The following CADM2 variants were observed in gnomAD, a reference collection of about 807,000 sequenced individuals.
The protein encoded by CADM2 is immunoglobulin superfamily member 4D.
Under a neutral mutation model 49.8 loss-of-function variants are expected in CADM2, and 12 were observed. The ratio of observed to expected loss-of-function variants is 0.24; its 90% CI spans 0.15 to 0.39. CADM2 has a LOEUF of 0.39. Among genes scored for constraint, CADM2 ranks in the 10% least tolerant of loss-of-function variants. CADM2 has a pLI of 1.00. For missense variants in CADM2, 378 were observed against 492.3 expected (o/e 0.77, Z 2.20); for synonymous variants, 214 against 175.4 (o/e 1.22, Z -1.74).
At chr3:85,767,168 T>C (rs760758090) in intron 2 of CADM2, among the ~76,000 whole-genome samples, 4 of 152,322 alleles carry the variant, frequency 2.6e-5, no homozygotes, top group Admixed American at 1.3e-4. Context: ...TATTTAGTTT[T>C]ATTAGTGACC....
chr3:85,142,222 C>T (rs2107629857), intron 1 of CADM2, among the ~76,000 whole-genome samples: 1 of 152,326 alleles, frequency 6.6e-6, no homozygotes, highest in South Asian at 2.1e-4. Flanking sequence ...CCCTCATGGT[C>T]TCACATTGGA....
At chr3:85,287,708 T>A (rs2043669732) in intron 1 of CADM2, among the ~76,000 whole-genome samples, 1 of 152,148 alleles carries the variant, frequency 6.6e-6, no homozygotes, top group African/African-American at 2.4e-5. Context: ...TTTTAATGAT[T>A]TTACATTATG....
chr3:85,100,784 A>T (rs556644227), intron 1 of CADM2, among the ~76,000 whole-genome samples: 20 of 152,350 alleles, frequency 1.3e-4, no homozygotes, highest in African/African-American at 4.3e-4. Flanking sequence ...GCATTTTTAG[A>T]ATCAGCATTT....
intron 7 of CADM2, among the ~76,000 whole-genome samples, chr3:85,957,286 A>G (rs1341488847): frequency 1.3e-5 from 2 of 151,736 alleles, no homozygotes; most frequent in Admixed American, 6.6e-5. Flanking sequence ...TGATTTGTCT[A>G]TCTAATTGAA....
At chr3:85,804,447 C>T (rs997231383) in intron 3 of CADM2, among the ~76,000 whole-genome samples, 1 of 152,116 alleles carries the variant, frequency 6.6e-6, no homozygotes, top group African/African-American at 2.4e-5. Flanking sequence ...TCCCAAGCAG[C>T]AACTATAAAC....
chr3:85,877,148 C>T (rs1319857225), intron 3 of CADM2, among the ~76,000 whole-genome samples: 1 of 152,064 alleles, frequency 6.6e-6, no homozygotes, highest in Non-Finnish European at 1.5e-5. Context: ...CAACTAATGG[C>T]TGTTAGGGCA....
intron 1 of CADM2, among the ~76,000 whole-genome samples, chr3:85,277,451 C>A (rs367752842): frequency 9.3e-5 from 14 of 151,178 alleles, no homozygotes; most frequent in African/African-American, 3.1e-4. Flanking sequence ...TATATAATAC[C>A]CAGCCAGATC....
In CADM2 at chr3:85,769,486, T is replaced by C. The variant is rs1327688171; in HGVS notation, c.89-32561T>C. Among the ~76,000 whole-genome samples the C allele has an allele frequency of 3.0e-3, 176 of 59,236 alleles. 10 individuals carry two copies. The highest frequency in any genetic ancestry group is 0.014 in the Middle Eastern group (1 of 72). 38.9% of individuals were successfully genotyped at this position (59,236 alleles called of 152,430 possible). On this transcript the variant is annotated intron_variant, in intron 2 of 9. Transcript: ENST00000383699. ...CATATATAGTATATATACACGTATA[T>C]ACATATATACATATATGTATATATA...
chr3:85,713,893 A>G (rs971953330), intron 1 of CADM2, among the ~76,000 whole-genome samples: 1 of 152,172 alleles, frequency 6.6e-6, no homozygotes, highest in African/African-American at 2.4e-5. Flanking sequence ...TTAGGCAATT[A>G]TGACCCTACC....
intron 5 of CADM2, among the ~76,000 whole-genome samples, chr3:85,895,494 C>T: frequency 6.6e-6 from 1 of 152,178 alleles, no homozygotes; most frequent in Non-Finnish European, 1.5e-5. Flanking sequence ...CTAGCCTTGT[C>T]TCAGATGAGA....
At chr3:85,905,078 G>GT (rs1024714206) in intron 5 of CADM2, among the ~76,000 whole-genome samples, 4 of 151,890 alleles carry the variant, frequency 2.6e-5, no homozygotes, top group East Asian at 1.9e-4. Flanking sequence ...TTTTCATTTA[G>GT]TTTTTTTCTC....
At chr3:85,749,128 G>C (rs549496551) in intron 2 of CADM2, among the ~76,000 whole-genome samples, 1 of 151,716 alleles carries the variant, frequency 6.6e-6, no homozygotes, top group Non-Finnish European at 1.5e-5. Flanking sequence ...TTAGTAAACA[G>C]AAAATGTCAG....
At chr3:85,006,780 A>G (rs182017270) in intron 1 of CADM2, among the ~76,000 whole-genome samples, 7 of 152,270 alleles carry the variant, frequency 4.6e-5, no homozygotes, top group African/African-American at 1.7e-4. Context: ...CCGTTGTAAT[A>G]ATATCAAACT....
chr3:85,474,232 T>G (rs80142596), intron 1 of CADM2, among the ~76,000 whole-genome samples: 3,278 of 151,474 alleles, frequency 0.022, 158 homozygotes, highest in East Asian at 0.16. Flanking sequence ...GCTCATGGGA[T>G]TGTGGATGGT....
intron 8 of CADM2, among the ~76,000 whole-genome samples, chr3:86,059,377 G>T (rs983927721): frequency 5.9e-5 from 9 of 151,986 alleles, no homozygotes; most frequent in African/African-American, 2.2e-4. Flanking sequence ...CTGAACTTAG[G>T]TATTATAATT....
intron 1 of CADM2, among the ~76,000 whole-genome samples, chr3:85,289,531 CCTT>C (rs1396110252): frequency 6.6e-6 from 1 of 152,102 alleles, no homozygotes; most frequent in Non-Finnish European, 1.5e-5. Context: ...CCAACATGAA[CCTT>C]CTTTAGTGTG....
intron 1 of CADM2, among the ~76,000 whole-genome samples, chr3:85,616,708 G>A (rs1391663814): frequency 6.6e-6 from 1 of 152,120 alleles, no homozygotes; most frequent in Non-Finnish European, 1.5e-5. Flanking sequence ...ATAGCAAGTT[G>A]TGTGTCATTT....
chr3:85,049,464 C>A (rs1228614766), intron 1 of CADM2, among the ~76,000 whole-genome samples: 2 of 151,900 alleles, frequency 1.3e-5, no homozygotes, highest in Non-Finnish European at 2.9e-5. Context: ...CATTCTCCTG[C>A]CTCAGCCTCC....
chr3:85,762,282 C>G (rs2069428839), intron 2 of CADM2, among the ~76,000 whole-genome samples: 2 of 152,088 alleles, frequency 1.3e-5, no homozygotes, highest in Admixed American at 1.3e-4. Context: ...TGTGTACCTA[C>G]CTATCTTCTC....
Sources: allele counts gnomAD v4.1 joint callset (sites outside exome capture counted in the v4.1 genomes callset), GRCh38; gene constraint gnomAD v4.1.1; transcripts MANE v1.5; gene names NCBI Gene and HGNC (gene_info 2026-07-23, HGNC 2026-07-21).